Variants in FCRL3 observed in about 807,000 individuals in gnomAD.
FCRL3 encodes the protein Fc receptor-like protein 3.
A neutral mutation model predicts 75.0 loss-of-function variants in FCRL3; 89 were observed. The ratio of observed to expected loss-of-function variants is 1.19; its 90% CI spans 1.00 to 1.42. FCRL3 has a LOEUF of 1.42. Among genes scored for constraint, FCRL3 ranks in the 40% most tolerant of loss-of-function variants. FCRL3 has a pLI of 0.00. For synonymous variants in FCRL3, 376 were observed against 348.5 expected, an observed-to-expected ratio of 1.08 and a Z score of -0.88; for missense variants, 946 against 880.0, an observed-to-expected ratio of 1.07 and a Z score of -0.95.
upstream of FCRL3, chr1:157,700,794 G>C: frequency 2.6e-6 from 3 of 1,161,528 alleles, no homozygotes; most frequent in Non-Finnish European, 3.3e-6. Context: ...GAAATATCAA[G>C]TTGTGTATTT....
In FCRL3 at chr1:157,689,934, G is replaced by A; in HGVS notation, c.1691-17C>T. Reference sequence around the variant, plus strand: ...TGGAAGTTCCTGAGTGGAGGGAGCTGTACTTGAGTTTCAGTGGCACAGGTT... The same window carrying A: ...TGGAAGTTCCTGAGTGGAGGGAGCTATACTTGAGTTTCAGTGGCACAGGTT... On this transcript the variant is annotated splice_polypyrimidine_tract_variant and intron_variant, in intron 9 of 14. Transcript: ENST00000368184. 6.2e-7 allele frequency: 1 copy of A among 1,613,022 alleles called. No homozygotes were observed. The highest frequency in any genetic ancestry group is 1.1e-5 in the South Asian group (1 of 91,032).
intron 11 of FCRL3, among the ~76,000 whole-genome samples, chr1:157,682,390 G>A (rs1209563436): frequency 1.3e-5 from 2 of 152,158 alleles, no homozygotes; most frequent in African/African-American, 2.4e-5. Context: ...TAACATTTAA[G>A]TCTTTAATCC....
Position 157,690,286 on chromosome 1 carries a change from C to A in FCRL3, c.1659G>T (p.Gln553His), listed in dbSNP as rs1655432593. The A allele has an allele frequency of 6.2e-7, 1 of 1,614,246 alleles. No homozygotes were observed. Among genetic ancestry groups the A allele is most frequent in the Non-Finnish European group, 8.5e-7 (1 of 1,180,046 alleles). ...CATTGAGTGTCACCACTTTACTGTG[C>A]TGGGCCCCCAGGCCATTGTCAGCCT... is the stretch of plus-strand genomic sequence containing the variant. The part of the protein sequence containing the change: ...SCEADNGLGA[Q>H]HSKVVTLNVT... Residue 553 changes from glutamine (Q) to histidine (H), a missense_variant, in exon 9 of 15, where the codon CAG becomes CAT. Gln to His is a conservative substitution (Grantham distance 24). Coordinates refer to ENST00000368184, the MANE Select transcript of FCRL3 (RefSeq NM_052939.4).
intron 8 of FCRL3, 100 bp from the exon 9 acceptor site, chr1:157,690,633 C>A (rs1312882706): frequency 7.0e-6 from 10 of 1,432,580 alleles, no homozygotes; most frequent in East Asian, 2.3e-5. Flanking sequence ...CGGGAACATG[C>A]ACCTGGATTC....
chr1:157,700,165 AG>A (rs1297241995), intron 2 of FCRL3, among the ~76,000 whole-genome samples: 8 of 152,118 alleles, frequency 5.3e-5, no homozygotes, highest in Non-Finnish European at 7.4e-5. Flanking sequence ...ATTTAGTCTG[AG>A]GCTTAAGAGG....
chr1:157,697,395 T>A lies in FCRL3; in HGVS notation c.589A>T (p.Ser197Cys). The A allele has an allele frequency of 2.6e-6, 4 of 1,559,548 alleles. No individual in the cohort carries two copies. Among genetic ancestry groups the A allele is most frequent in the Non-Finnish European group, 3.5e-6 (4 of 1,157,070 alleles). ...CTCCCCTCTATGGGCGTGGAAGAGC[T>A]GGCTCTCAGCACAGGATGTAGAAAC... The part of the protein sequence containing the change: ...ELFLHPVLRA[S>C]SSTPIEGSPM... Residue 197 changes from serine (S) to cysteine (C), a missense_variant, in exon 6 of 15, where the codon AGC becomes TGC. Ser to Cys is a moderately radical substitution (Grantham distance 112, BLOSUM62 -1). Transcript: ENST00000368184.
At position 157,678,970 on chromosome 1, in the gene FCRL3, T is replaced by C. The variant is rs778631209; in HGVS notation, c.2030A>G (p.Asn677Ser). The C allele has an allele frequency of 1.2e-6, 2 of 1,614,006 alleles. No homozygotes were observed. Among genetic ancestry groups the C allele is most frequent in the African/African-American group, 1.3e-5 (1 of 74,916 alleles). The change falls in exon 14 of 15, where the codon AAT becomes AGT. Residue 677 changes from asparagine (N) to serine (S), a missense_variant. Transcript: ENST00000368184. ...SIQHTKENSA[N>S]CPMMHQEHEE... ...ATGCTCTTGATGCATCATTGGACAA[T>C]TAGCTGTTGGGTAGGAGTAGCAAAG...
At position 157,678,581 on chromosome 1, in the gene FCRL3, T is replaced by A. The variant is rs2282283; in HGVS notation, c.*129A>T. On this transcript the variant is annotated 3_prime_UTR_variant, in exon 15 of 15. Transcript: ENST00000368184. The stretch of plus-strand genomic sequence containing the variant: ...CAGGGGAGATTTGCAGACCTTTTGC[T>A]CAGCCTCACATACCCTGCAGCCCAG... The A allele has an allele frequency of 2.8e-5, 42 of 1,513,172 alleles. No homozygotes were observed. The highest frequency in any genetic ancestry group is 5.6e-5 in the African/African-American group (4 of 71,840). 93.7% of individuals were successfully genotyped at this position (1,513,172 alleles called of 1,614,324 possible). A position where few individuals can be genotyped will look rare whatever the true frequency, so the allele number is the denominator to read the frequency against.
Position 157,690,155 on chromosome 1 carries a change from G to C in FCRL3, c.1690+100C>G, listed in dbSNP as rs949363320. ...AGAAGTCCCAAGCCTTCGTGTGCAT[G>C]TTCAAAACCTCCTTGGTGCTAGTAG... On this transcript the variant is annotated intron_variant, in intron 9 of 14. Coordinates refer to ENST00000368184, the MANE Select transcript of FCRL3 (RefSeq NM_052939.4). The C allele has an allele frequency of 6.7e-6, 10 of 1,496,062 alleles. No homozygotes were observed. In the Admixed American group the frequency reaches 1.0e-4, roughly 15 times the overall value. 92.7% of individuals were successfully genotyped at this position (1,496,062 alleles called of 1,614,324 possible).
chr1:157,689,671 G>C lies in FCRL3; in HGVS notation c.1810+127C>G, dbSNP rs1655385757. 5.7e-6 allele frequency: 7 copies of C among 1,232,264 alleles called. No individual in the cohort carries two copies. The South Asian group carries it at 1.2e-4, about 22-fold the overall frequency. The allele number at this position is 1,232,264 out of a possible 1,614,324, so 76.3% of individuals were successfully genotyped here. On this transcript the variant is annotated intron_variant, in intron 10 of 14. Coordinates refer to ENST00000368184, the MANE Select transcript of FCRL3 (RefSeq NM_052939.4). ...TGCTACAATTGCCTACAGAGTGACA[G>C]TGAGTAGTGGAACTGAGGGCCTAGT...
Position 157,678,959 on chromosome 1 carries a change from T to A in FCRL3, c.2041A>T (p.Met681Leu). ...TGACTCACCTCATGCTCTTGATGCA[T>A]CATTGGACAATTAGCTGTTGGGTAG... ...TKENSANCPM[M>L]HQEHEELTVL... is the part of the protein sequence containing the mutation. Residue 681 changes from methionine (M) to leucine (L), a missense_variant, in exon 14 of 15, where the codon ATG becomes TTG. Met to Leu is a conservative substitution (Grantham distance 15). Coordinates refer to ENST00000368184, the MANE Select transcript of FCRL3 (RefSeq NM_052939.4). 2 of 1,614,174 alleles carry A rather than the reference T, an allele frequency of 1.2e-6. No homozygotes were observed. Among genetic ancestry groups the A allele is most frequent in the Non-Finnish European group, 1.7e-6 (2 of 1,180,012 alleles).
intron 13 of FCRL3, among the ~76,000 whole-genome samples, chr1:157,679,779 A>C (rs1654704588): frequency 7.2e-6 from 1 of 138,896 alleles, no homozygotes; most frequent in Non-Finnish European, 1.5e-5. Flanking sequence ...AAATGAGCCA[A>C]GATCGCACTG....
intron 6 of FCRL3, 91 bp downstream of exon 6, chr1:157,697,049 G>T: frequency 8.0e-7 from 1 of 1,247,406 alleles, no homozygotes; most frequent in Non-Finnish European, 1.0e-6. Flanking sequence ...ACTCCTCTCT[G>T]TTATGTCCAC....
At chr1:157,694,685 G>A (rs1412459351) in intron 8 of FCRL3, among the ~76,000 whole-genome samples, 1 of 152,134 alleles carries the variant, frequency 6.6e-6, no homozygotes, top group Non-Finnish European at 1.5e-5. Flanking sequence ...TGGGAAATAC[G>A]AGATGCCCTG....
chr1:157,695,490 A>G lies in FCRL3; in HGVS notation c.1250T>C (p.Phe417Ser). The change falls in exon 8 of 15, where the codon TTT (phenylalanine) becomes TCT (serine). Residue 417 changes from phenylalanine (F) to serine (S), a missense_variant. Phe to Ser is a radical substitution (Grantham distance 155). Transcript: ENST00000368184. ...CCCCAGGGTGACATCCTCATGATAA[A>G]ATCGGTACAGGATCGGGGGAGAGCC... Reference protein sequence around the residue: ...LRGSPPILYRFYHEDVTLGNS... With the variant: ...LRGSPPILYRSYHEDVTLGNS... 1 of 1,614,154 alleles carries G rather than the reference A, an allele frequency of 6.2e-7. No homozygotes were observed. The highest frequency in any genetic ancestry group is 8.5e-7 in the Non-Finnish European group (1 of 1,180,008).
intron 10 of FCRL3, 87 bp downstream of exon 10, chr1:157,689,711 A>C: frequency 3.2e-6 from 5 of 1,559,774 alleles, no homozygotes; most frequent in Non-Finnish European, 4.4e-6. Context: ...GGAAGGGAAT[A>C]CTTGACCTTT....
At chr1:157,685,284 A>C (rs934511072) in intron 10 of FCRL3, among the ~76,000 whole-genome samples, 3 of 152,126 alleles carry the variant, frequency 2.0e-5, no homozygotes, top group African/African-American at 7.2e-5. Flanking sequence ...ATATAATTTC[A>C]CTTGAAAACA....
chr1:157,690,290 G>T lies in FCRL3; in HGVS notation c.1655C>A (p.Ala552Asp). 5 of 1,614,222 alleles carry T rather than the reference G, an allele frequency of 3.1e-6. No homozygotes were observed. The highest frequency in any genetic ancestry group is 3.4e-6 in the Non-Finnish European group (4 of 1,180,042). ...GAGTGTCACCACTTTACTGTGCTGG[G>T]CCCCCAGGCCATTGTCAGCCTCACA... ...YSCEADNGLG[A>D]QHSKVVTLNV... is the part of the protein sequence containing the mutation. Residue 552 changes from alanine (A) to aspartate (D), a missense_variant, in exon 9 of 15, where the codon GCC (alanine) becomes GAC (aspartate). By Grantham distance (126) the Ala-to-Asp change is moderately radical (BLOSUM62 -2). Transcript: ENST00000368184.
At chr1:157,684,677 T>A (rs1033018554) in intron 10 of FCRL3, among the ~76,000 whole-genome samples, 1 of 152,170 alleles carries the variant, frequency 6.6e-6, no homozygotes, top group Non-Finnish European at 1.5e-5. Context: ...ACCTAAAAGG[T>A]AGATACTGTT....
Sources: gnomAD v4.1 joint callset for allele counts (sites outside exome capture counted in the v4.1 genomes callset) on GRCh38, gnomAD v4.1.1 for gene constraint, MANE v1.5 for transcripts, NCBI Gene and HGNC (gene_info 2026-07-23, HGNC 2026-07-21) for gene names.